The following SETBP1 variants were observed in gnomAD, a reference collection of about 807,000 sequenced individuals.
SETBP1 encodes the protein SET-binding protein.
Under a neutral mutation model 101.0 loss-of-function variants are expected in SETBP1, and 9 were observed. The ratio of observed to expected loss-of-function variants is 0.09; its 90% CI spans 0.05 to 0.16. The LOEUF (loss-of-function observed/expected upper bound fraction) is 0.16, where lower values mean the gene tolerates loss of function less well. SETBP1 is among the 10% of genes least tolerant of loss of function. SETBP1 has a pLI of 1.00. For missense variants in SETBP1, 1,858 were observed against 2,033.8 expected (o/e 0.91, Z 1.66); for synonymous variants, 818 against 788.5 (o/e 1.04, Z -0.63).
At chr18:45,014,553 G>A (rs964293812) in intron 4 of SETBP1, among the ~76,000 whole-genome samples, 28 of 152,132 alleles carry the variant, frequency 1.8e-4, no homozygotes, top group African/African-American at 4.3e-4. Flanking sequence ...GCCTAGGGAC[G>A]GCTTGCTGAA....
At chr18:44,805,554 T>C (rs1356578916) in intron 2 of SETBP1, among the ~76,000 whole-genome samples, 1 of 152,188 alleles carries the variant, frequency 6.6e-6, no homozygotes, top group Non-Finnish European at 1.5e-5. Flanking sequence ...AAGGTGTTTT[T>C]ACCCTGGACA....
chr18:45,063,085 C>T lies in SETBP1; in HGVS notation c.4178C>T (p.Ser1393Phe), dbSNP rs1736757246. Reference protein sequence around the residue: ...ASAATSDAVGSSLKKRFKRRE... With the variant: ...ASAATSDAVGFSLKKRFKRRE... Reference sequence around the variant, plus strand: ...ATCTCTTCCCCTCCCGCAGTCGGCTCCTCCCTGAAGAAGAGGTTCAAGCGG... The same window carrying T: ...ATCTCTTCCCCTCCCGCAGTCGGCTTCTCCCTGAAGAAGAGGTTCAAGCGG... The change falls in exon 6 of 6, where the codon TCC becomes TTC. Residue 1393 changes from serine (S) to phenylalanine (F), a missense_variant. Around this residue, in one of 12 missense-constraint regions of SETBP1, gnomAD observed 417 missense variants for 389.1 expected, o/e 1.07. Transcript: ENST00000649279. The T allele has an allele frequency of 1.2e-6, 2 of 1,613,872 alleles. No individual in the cohort carries two copies. The highest frequency in any genetic ancestry group is 3.3e-5 in the Admixed American group (2 of 60,000).
At chr18:44,940,978 G>A (rs761417911) in intron 3 of SETBP1, among the ~76,000 whole-genome samples, 20 of 150,960 alleles carry the variant, frequency 1.3e-4, no homozygotes, top group African/African-American at 3.4e-4. Flanking sequence ...GAATATTTTC[G>A]CTGGATATAT....
intron 3 of SETBP1, among the ~76,000 whole-genome samples, chr18:44,909,885 T>C (rs1389370013): frequency 6.6e-6 from 1 of 152,234 alleles, no homozygotes; most frequent in African/African-American, 2.4e-5. Flanking sequence ...AATTTGGCTA[T>C]ACTTGGAGAA....
intron 3 of SETBP1, among the ~76,000 whole-genome samples, chr18:44,888,626 C>G (rs1248482931): frequency 6.6e-6 from 1 of 152,124 alleles, no homozygotes; most frequent in African/African-American, 2.4e-5. Flanking sequence ...TAATACCTCT[C>G]TATTATGTGA....
At chr18:44,802,042 C>T (rs1363285179) in intron 2 of SETBP1, among the ~76,000 whole-genome samples, 1 of 152,142 alleles carries the variant, frequency 6.6e-6, no homozygotes, top group Non-Finnish European at 1.5e-5. Context: ...TCTCACCCCA[C>T]CTGGCACTTG....
intron 2 of SETBP1, among the ~76,000 whole-genome samples, chr18:44,812,487 C>CT (rs1178203786): frequency 1.3e-5 from 2 of 152,198 alleles, no homozygotes; most frequent in East Asian, 3.9e-4. Flanking sequence ...GTGGGTTGCA[C>CT]TATTTTATTA....
At chr18:44,809,640 T>C (rs1442618614) in intron 2 of SETBP1, among the ~76,000 whole-genome samples, 2 of 152,166 alleles carry the variant, frequency 1.3e-5, no homozygotes, top group Admixed American at 6.5e-5. Context: ...GTACAGATGA[T>C]GTTGTTCTTT....
At chr18:44,869,139 C>A (rs2069209351) in intron 2 of SETBP1, 91 bp from the exon 3 acceptor site, 3 of 1,128,756 alleles carry the variant, frequency 2.7e-6, no homozygotes, top group Non-Finnish European at 2.7e-6. Flanking sequence ...CTCATCCAGG[C>A]TATGGTAAGT....
chr18:44,822,452 G>A (rs909228490), intron 2 of SETBP1, among the ~76,000 whole-genome samples: 1 of 152,146 alleles, frequency 6.6e-6, no homozygotes, highest in Admixed American at 6.5e-5. Flanking sequence ...CCACTGACTG[G>A]CAAATAAGAT....
At chr18:44,757,212 C>G (rs1053828330) in intron 2 of SETBP1, among the ~76,000 whole-genome samples, 3 of 152,150 alleles carry the variant, frequency 2.0e-5, no homozygotes, top group African/African-American at 7.2e-5. Context: ...AGTGGCCACT[C>G]CCCCTCTGCC....
chr18:44,948,338 A>G (rs2071257025), intron 3 of SETBP1, among the ~76,000 whole-genome samples: 1 of 152,230 alleles, frequency 6.6e-6, no homozygotes, highest in African/African-American at 2.4e-5. Flanking sequence ...ACTAGTGTGA[A>G]GGAAATCCTG....
intron 4 of SETBP1, among the ~76,000 whole-genome samples, chr18:44,971,562 G>A (rs1040711473): frequency 8.5e-4 from 130 of 152,200 alleles, no homozygotes; most frequent in Non-Finnish European, 1.4e-3. Flanking sequence ...TTTAATGATC[G>A]CCATTCTAAC....
At chr18:44,822,268 A>G (rs773091388) in intron 2 of SETBP1, among the ~76,000 whole-genome samples, 5 of 152,234 alleles carry the variant, frequency 3.3e-5, no homozygotes, top group Non-Finnish European at 5.9e-5. Context: ...AGTGTGGTCT[A>G]TCCCTAAGTC....
chr18:44,875,484 G>A (rs1458930095), intron 3 of SETBP1, among the ~76,000 whole-genome samples: 2 of 133,830 alleles, frequency 1.5e-5, no homozygotes, highest in African/African-American at 5.7e-5. Context: ...AGCCGAGATC[G>A]CGCCGCTGCA....
chr18:44,880,185 T>G (rs2069498099), intron 3 of SETBP1, among the ~76,000 whole-genome samples: 1 of 152,186 alleles, frequency 6.6e-6, no homozygotes, highest in Non-Finnish European at 1.5e-5. Flanking sequence ...CACCGCTAAA[T>G]TCAGCTGCTT....
chr18:44,741,265 A>C (rs2070091020), intron 2 of SETBP1, among the ~76,000 whole-genome samples: 1 of 152,214 alleles, frequency 6.6e-6, no homozygotes, highest in Non-Finnish European at 1.5e-5. Context: ...AGCAGTGTTC[A>C]CTGTGCTCCT....
chr18:44,908,794 A>G (rs1599307344), intron 3 of SETBP1, among the ~76,000 whole-genome samples: 3 of 152,356 alleles, frequency 2.0e-5, no homozygotes, highest in African/African-American at 7.2e-5. Context: ...ATTTAAAAAG[A>G]TTGGTAATTC....
intron 2 of SETBP1, among the ~76,000 whole-genome samples, chr18:44,769,195 G>A (rs1281457052): frequency 6.6e-6 from 1 of 152,202 alleles, no homozygotes; most frequent in Non-Finnish European, 1.5e-5. Context: ...GACTTTCCAT[G>A]GGAATCTGGG....
Sources: allele counts gnomAD v4.1 joint callset (sites outside exome capture counted in the v4.1 genomes callset), GRCh38; gene constraint gnomAD v4.1.1; regional missense constraint gnomAD v4.1.1; transcripts MANE v1.5; gene names NCBI Gene and HGNC (gene_info 2026-07-23, HGNC 2026-07-21).